AK5: variants seen among roughly 807,000 people sequenced by gnomAD.
AK5 encodes the protein adenylate kinase isoenzyme 5.
Under a neutral mutation model 69.5 loss-of-function variants are expected in AK5, and 27 were observed. The observed-to-expected ratio is 0.39, with a 90% CI of 0.29 to 0.54. AK5 has a LOEUF of 0.54. Among genes scored for constraint, AK5 ranks in the 20% least tolerant of loss-of-function variants. AK5 has a pLI of 0.71. For synonymous variants in AK5, 260 were observed against 244.4 expected (o/e 1.06, Z -0.60); for missense variants, 531 against 700.4 (o/e 0.76, Z 2.73).
intron 8 of AK5, among the ~76,000 whole-genome samples, chr1:77,474,990 A>G (rs1303114362): frequency 1.3e-5 from 2 of 151,554 alleles, no homozygotes; most frequent in East Asian, 3.9e-4. Context: ...CTTTGTACAG[A>G]CGGGGTCTCA....
chr1:77,477,783 A>G (rs543945232), intron 8 of AK5, among the ~76,000 whole-genome samples: 1 of 152,306 alleles, frequency 6.6e-6, no homozygotes, highest in Admixed American at 6.5e-5. Flanking sequence ...TTTAATGTCA[A>G]GTAAGCCCCT....
At chr1:77,401,788 A>G (rs762157072) in intron 6 of AK5, among the ~76,000 whole-genome samples, 1 of 152,236 alleles carries the variant, frequency 6.6e-6, no homozygotes, top group Non-Finnish European at 1.5e-5. Flanking sequence ...TCCCTCTGCT[A>G]TAATTCCCTT....
intron 12 of AK5, among the ~76,000 whole-genome samples, chr1:77,533,517 A>AC (rs57826298): frequency 0.047 from 1,937 of 41,322 alleles, 61 homozygotes; most frequent in South Asian, 0.2. Flanking sequence ...ACCAAAAAAA[A>AC]AAAAAAAAAA....
At chr1:77,367,177 C>CT (rs923776418) in intron 6 of AK5, among the ~76,000 whole-genome samples, 2 of 150,958 alleles carry the variant, frequency 1.3e-5, no homozygotes, top group Non-Finnish European at 2.9e-5. Context: ...GTTGAGTATC[C>CT]TTTATACAAA....
intron 12 of AK5, among the ~76,000 whole-genome samples, chr1:77,532,814 C>T (rs1054986455): frequency 1.3e-5 from 2 of 152,144 alleles, no homozygotes; most frequent in Non-Finnish European, 2.9e-5. Context: ...ATGTTGGGGG[C>T]AGGCCAATGT....
At chr1:77,407,588 G>T (rs1163096616) in intron 6 of AK5, among the ~76,000 whole-genome samples, 4 of 152,182 alleles carry the variant, frequency 2.6e-5, no homozygotes, top group Non-Finnish European at 4.4e-5. Context: ...GGTTTCACGG[G>T]TGTAGACATA....
intron 10 of AK5, among the ~76,000 whole-genome samples, chr1:77,511,083 G>T (rs934865784): frequency 6.6e-6 from 1 of 151,362 alleles, no homozygotes; most frequent in Non-Finnish European, 1.5e-5. Context: ...ACAATAGCTG[G>T]TAAAATAGTA....
chr1:77,368,245 A>ATATATATATATTT (rs376578923), intron 6 of AK5, among the ~76,000 whole-genome samples: 1 of 67,906 alleles, frequency 1.5e-5, no homozygotes, highest in Non-Finnish European at 2.9e-5. Context: ...ATATATATAT[A>ATATATATATATTT]TATATATAAT....
chr1:77,367,552 TA>T (rs1334801404), intron 6 of AK5, among the ~76,000 whole-genome samples: 7 of 4,644 alleles, frequency 1.5e-3, no homozygotes, highest in East Asian at 0.036. Context: ...TCATTTATGT[TA>T]TTTTTATATA....
At chr1:77,430,539 T>A (rs550655509) in intron 8 of AK5, among the ~76,000 whole-genome samples, 11 of 152,246 alleles carry the variant, frequency 7.2e-5, no homozygotes, top group African/African-American at 2.2e-4. Context: ...GAAATACAAA[T>A]TTGTGAGCCT....
At chr1:77,470,018 G>C (rs116743359) in intron 8 of AK5, among the ~76,000 whole-genome samples, 75 of 152,280 alleles carry the variant, frequency 4.9e-4, no homozygotes, top group Admixed American at 1.2e-3. Flanking sequence ...GACAAACATC[G>C]GAATGTTTTG....
At chr1:77,325,937 A>T (rs557260033) in intron 5 of AK5, among the ~76,000 whole-genome samples, 1 of 152,192 alleles carries the variant, frequency 6.6e-6, no homozygotes, top group African/African-American at 2.4e-5. Flanking sequence ...TTAAAGGTAC[A>T]TATTAAACAA....
intron 1 of AK5, chr1:77,283,701 C>G (rs1658191799): frequency 1.0e-5 from 8 of 772,636 alleles, no homozygotes; most frequent in Non-Finnish European, 1.1e-5. Flanking sequence ...GGTGGTGTTG[C>G]ATAAGGACAG....
chr1:77,283,930 T>C (rs1483285455), intron 1 of AK5, among the ~76,000 whole-genome samples: 1 of 152,238 alleles, frequency 6.6e-6, no homozygotes, highest in East Asian at 1.9e-4. Context: ...TCTTTGTAAA[T>C]GTGGGTACTG....
At chr1:77,415,827 G>A (rs1557575347) in intron 7 of AK5, among the ~76,000 whole-genome samples, 3 of 152,204 alleles carry the variant, frequency 2.0e-5, no homozygotes, top group Admixed American at 1.3e-4. Flanking sequence ...ATAAAGAGAA[G>A]TAGGAGCTAC....
intron 6 of AK5, among the ~76,000 whole-genome samples, chr1:77,348,290 A>G (rs1444236075): frequency 6.6e-6 from 1 of 152,228 alleles, no homozygotes; most frequent in Admixed American, 6.5e-5. Flanking sequence ...GGAGGTTCAC[A>G]TTAAGAAAAT....
intron 8 of AK5, among the ~76,000 whole-genome samples, chr1:77,465,214 T>C (rs1255545714): frequency 1.3e-5 from 2 of 152,116 alleles, no homozygotes; most frequent in Non-Finnish European, 2.9e-5. Flanking sequence ...AAAGAGATAA[T>C]GCTGATGCCA....
At chr1:77,318,166 T>C (rs1570368925) in intron 5 of AK5, among the ~76,000 whole-genome samples, 1 of 152,272 alleles carries the variant, frequency 6.6e-6, no homozygotes, top group African/African-American at 2.4e-5. Context: ...TTCCACAGGC[T>C]GTACAGGAAG....
intron 8 of AK5, among the ~76,000 whole-genome samples, chr1:77,446,259 T>A (rs1253205523): frequency 1.3e-5 from 2 of 152,208 alleles, no homozygotes; most frequent in East Asian, 3.9e-4. Flanking sequence ...CAATTATTTC[T>A]GGACTCTATT....
Sources: allele counts gnomAD v4.1 joint callset (sites outside exome capture counted in the v4.1 genomes callset), GRCh38; gene constraint gnomAD v4.1.1; transcripts MANE v1.5; gene names NCBI Gene and HGNC (gene_info 2026-07-23, HGNC 2026-07-21).